PLXNA4: variants seen among roughly 807,000 people sequenced by gnomAD.
PLXNA4 encodes the protein plexin-A4.
Under a neutral mutation model 191.8 loss-of-function variants are expected in PLXNA4, and 44 were observed. That is an observed-to-expected ratio of 0.23 (90% confidence interval 0.18 to 0.29). The LOEUF (loss-of-function observed/expected upper bound fraction) is 0.29. PLXNA4 is among the 10% of genes least tolerant of loss of function. The pLI, the probability that PLXNA4 is intolerant of heterozygous loss-of-function variation, is 1.00. For synonymous variants in PLXNA4, 1,082 were observed against 1,009.5 expected (o/e 1.07, Z -1.36); for missense variants, 1,800 against 2,488.8 (o/e 0.72, Z 5.89).
chr7:132,317,973 T>C (rs1203901557), intron 3 of PLXNA4, among the ~76,000 whole-genome samples: 1 of 152,240 alleles, frequency 6.6e-6, no homozygotes, highest in Non-Finnish European at 1.5e-5. Context: ...GAACATTCTC[T>C]GAGAGCGCAA....
chr7:132,188,407 T>A (rs1017728982), intron 14 of PLXNA4, among the ~76,000 whole-genome samples: 2 of 152,300 alleles, frequency 1.3e-5, no homozygotes, highest in Admixed American at 1.3e-4. Context: ...TGAAGATTTC[T>A]CTCTCCCTTC....
intron 3 of PLXNA4, among the ~76,000 whole-genome samples, chr7:132,484,019 GTGAGA>G (rs1212821895): frequency 1.3e-5 from 2 of 152,214 alleles, no homozygotes; most frequent in African/African-American, 4.8e-5. Context: ...GGGCAGAATA[GTGAGA>G]AATGGAAAAA....
Position 132,123,518 on chromosome 7 carries a change from G to A in PLXNA4, c.*6961C>T, listed in dbSNP as rs1794691159. The A allele has an allele frequency of 6.6e-6, 1 of 151,858 alleles. No individual in the cohort carries two copies. Among genetic ancestry groups the A allele is most frequent in the South Asian group, 2.1e-4 (1 of 4,796 alleles). The allele number at this position is 151,858 out of a possible 1,614,324, so 9.4% of individuals were successfully genotyped here. A position where few individuals can be genotyped will look rare whatever the true frequency, so the allele number is the denominator to read the frequency against. The stretch of plus-strand genomic sequence containing the variant: ...CTGGGCTCCAATTTAAATAGCACAG[G>A]TTTCCTTTTTAAAAACTTTTTAATT... On this transcript the variant is annotated 3_prime_UTR_variant, in exon 32 of 32. Coordinates refer to ENST00000321063, the MANE Select transcript of PLXNA4 (RefSeq NM_020911.2).
At chr7:132,265,747 G>A (rs143537539) in intron 4 of PLXNA4, among the ~76,000 whole-genome samples, 2 of 152,138 alleles carry the variant, frequency 1.3e-5, no homozygotes, top group Admixed American at 6.5e-5. Context: ...TCAGCTGCAG[G>A]TACCGTGCAC....
chr7:132,563,094 T>TTTC (rs1563175433), intron 1 of PLXNA4, among the ~76,000 whole-genome samples: 3 of 33,990 alleles, frequency 8.8e-5, no homozygotes, highest in African/African-American at 1.2e-4. Flanking sequence ...CCTCCTCTTC[T>TTTC]TCCTCCTCCT....
chr7:132,538,285 G>A (rs140451461), intron 1 of PLXNA4, among the ~76,000 whole-genome samples: 5 of 152,120 alleles, frequency 3.3e-5, no homozygotes, highest in Non-Finnish European at 5.9e-5. Flanking sequence ...GGAGACACTC[G>A]GGCCCCATGA....
intron 1 of PLXNA4, among the ~76,000 whole-genome samples, chr7:132,553,862 G>A (rs1800674779): frequency 6.6e-6 from 1 of 152,118 alleles, no homozygotes; most frequent in South Asian, 2.1e-4. Context: ...GCATCTTGGG[G>A]GAAGAAAAGG....
chr7:132,277,419 T>C (rs755671880), intron 4 of PLXNA4, among the ~76,000 whole-genome samples: 8 of 152,220 alleles, frequency 5.3e-5, no homozygotes, highest in Non-Finnish European at 8.8e-5. Flanking sequence ...AAGCCAATTA[T>C]AAGCCCTGGT....
intron 3 of PLXNA4, among the ~76,000 whole-genome samples, chr7:132,352,605 G>T (rs1803537097): frequency 6.6e-6 from 1 of 152,190 alleles, no homozygotes; most frequent in Non-Finnish European, 1.5e-5. Flanking sequence ...CCTGAATACA[G>T]GAGGGATATG....
At chr7:132,400,139 C>T (rs1221318912) in intron 3 of PLXNA4, among the ~76,000 whole-genome samples, 3 of 152,150 alleles carry the variant, frequency 2.0e-5, no homozygotes, top group East Asian at 3.9e-4. Flanking sequence ...CCTACCTAGT[C>T]TGTCTGTGTA....
chr7:132,474,953 G>C (rs1345275105), intron 3 of PLXNA4, among the ~76,000 whole-genome samples: 1 of 152,192 alleles, frequency 6.6e-6, no homozygotes, highest in Non-Finnish European at 1.5e-5. Context: ...TAAGAGAGAT[G>C]GAGGGAGGGT....
At chr7:132,294,043 T>C (rs1458020197) in intron 4 of PLXNA4, among the ~76,000 whole-genome samples, 2 of 152,232 alleles carry the variant, frequency 1.3e-5, no homozygotes, top group Non-Finnish European at 2.9e-5. Flanking sequence ...TTATGGAGTT[T>C]ACATTTTAAA....
chr7:132,462,629 A>G (rs1038116220), intron 3 of PLXNA4, among the ~76,000 whole-genome samples: 12 of 151,972 alleles, frequency 7.9e-5, no homozygotes, highest in African/African-American at 2.9e-4. Flanking sequence ...TTTTGTACAG[A>G]CAGGGTCTCA....
chr7:132,240,506 C>T (rs1372754946), intron 5 of PLXNA4, among the ~76,000 whole-genome samples: 4 of 152,228 alleles, frequency 2.6e-5, no homozygotes, highest in Non-Finnish European at 4.4e-5. Flanking sequence ...TCACAGCCAG[C>T]TAATGGGTGT....
chr7:132,316,992 G>A, intron 3 of PLXNA4, among the ~76,000 whole-genome samples: 1 of 152,124 alleles, frequency 6.6e-6, no homozygotes. Flanking sequence ...GTATTGGATT[G>A]GATTAGGTTG....
At chr7:132,400,903 A>G (rs1291924144) in intron 3 of PLXNA4, among the ~76,000 whole-genome samples, 3 of 152,224 alleles carry the variant, frequency 2.0e-5, no homozygotes, top group Non-Finnish European at 4.4e-5. Context: ...TTCGTGGAAG[A>G]AAAAATAGCA....
At chr7:132,141,378 G>A (rs944216760) in intron 29 of PLXNA4, among the ~76,000 whole-genome samples, 1 of 152,108 alleles carries the variant, frequency 6.6e-6, no homozygotes, top group Non-Finnish European at 1.5e-5. Context: ...AAGCTGGCAC[G>A]CTTGAAAACC....
chr7:132,447,600 T>G (rs1362986753), intron 3 of PLXNA4, among the ~76,000 whole-genome samples: 1 of 152,134 alleles, frequency 6.6e-6, no homozygotes, highest in African/African-American at 2.4e-5. Context: ...ATCACTTATC[T>G]AAAATGGGAC....
intron 3 of PLXNA4, among the ~76,000 whole-genome samples, chr7:132,485,493 C>A (rs1797520217): frequency 6.6e-6 from 1 of 152,164 alleles, no homozygotes; most frequent in Non-Finnish European, 1.5e-5. Flanking sequence ...GCAGAGAAAG[C>A]AAGAGAGGGA....
Sources: gnomAD v4.1 joint callset for allele counts (sites outside exome capture counted in the v4.1 genomes callset) on GRCh38, gnomAD v4.1.1 for gene constraint, MANE v1.5 for transcripts, NCBI Gene and HGNC (gene_info 2026-07-23, HGNC 2026-07-21) for gene names.